The following RBM23 variants were observed in gnomAD, a reference collection of about 807,000 sequenced individuals.
The protein encoded by RBM23 is RNA binding motif protein 23.
RBM23 carries 53 observed loss-of-function variants against 56.2 expected under a neutral mutation model. That is an observed-to-expected ratio of 0.94 (90% confidence interval 0.76 to 1.19). The LOEUF (loss-of-function observed/expected upper bound fraction) is 1.19. Ranked by LOEUF, RBM23 falls within the 50% of genes most tolerant of loss-of-function variation. The pLI, the probability that RBM23 is intolerant of heterozygous loss-of-function variation, is 0.00. For missense variants in RBM23, 642 were observed against 590.3 expected (o/e 1.09, Z -0.91); for synonymous variants, 197 against 198.5 (o/e 0.99, Z 0.06).
In RBM23 at chr14:22,893,771, A is replaced by C. The variant is rs972104241; in HGVS notation, c.*7959T>G. On this transcript the variant is annotated 3_prime_UTR_variant, in exon 14 of 14. Transcript: ENST00000359890. ...CGTCAAAGGACACAAATGCCGGACA[A>C]GAGCATACTGCTTCTCAGGCCTTTA... The C allele has an allele frequency of 1.3e-5, 2 of 152,120 alleles. No homozygotes were observed. The highest frequency in any genetic ancestry group is 2.9e-5 in the Non-Finnish European group (2 of 68,012). 9.4% of individuals were successfully genotyped at this position (152,120 alleles called of 1,614,324 possible). A position where few individuals can be genotyped will look rare whatever the true frequency, so the allele number is the denominator to read the frequency against.
intron 2 of RBM23, among the ~76,000 whole-genome samples, chr14:22,910,686 T>C (rs1028519408): frequency 5.3e-5 from 8 of 151,542 alleles, no homozygotes; most frequent in African/African-American, 4.9e-5. Flanking sequence ...CCAGGCAACA[T>C]AGCAAGACCC....
chr14:22,905,022 G>C lies in RBM23; in HGVS notation c.727-10C>G, dbSNP rs373168766. 6.2e-7 allele frequency: 1 copy of C among 1,614,184 alleles called. No homozygotes were observed. The highest frequency in any genetic ancestry group is 8.5e-7 in the Non-Finnish European group (1 of 1,180,030). On this transcript the variant is annotated splice_polypyrimidine_tract_variant and intron_variant, in intron 8 of 13. Transcript: ENST00000359890. ...GTCGGTTTTTCTCTGCCTGGGGAAGGAGGAAATGATGGGTCATGTCCCACA... is the reference window on the plus strand; with the variant it reads ...GTCGGTTTTTCTCTGCCTGGGGAAGCAGGAAATGATGGGTCATGTCCCACA...
chr14:22,908,195 A>T (rs892903696), intron 4 of RBM23, 138 bp downstream of exon 4: 1 of 917,992 alleles, frequency 1.1e-6, no homozygotes, highest in Non-Finnish European at 1.6e-6. Flanking sequence ...TAATTTTTAA[A>T]TTTTTTGTAG....
rs1195187261 is a variant in RBM23 at position 22,895,697 on chromosome 14, C to T, written c.*6033G>A. The T allele has an allele frequency of 6.6e-6, 1 of 152,206 alleles. No individual in the cohort carries two copies. The highest frequency in any genetic ancestry group is 6.6e-5 in the Admixed American group (1 of 15,264). The allele number at this position is 152,206 out of a possible 1,614,324, so 9.4% of individuals were successfully genotyped here. On this transcript the variant is annotated 3_prime_UTR_variant, in exon 14 of 14. Transcript: ENST00000359890. ...CAGCTAATCAAGAGGATCATTTGAG[C>T]TCAGGAGGTTGAGACTGCAGTGAGC...
chr14:22,903,572 C>G, intron 10 of RBM23: 1 of 987,196 alleles, frequency 1.0e-6, no homozygotes, highest in Non-Finnish European at 1.2e-6. Context: ...ATTCCAATGA[C>G]AGAATACAAC....
rs2040270578 is a variant in RBM23, at chr14:22,897,717, T to C, written c.*4013A>G. ...GGAAAAGTGACACTTCCTCACTGAC[T>C]CCAAGGCCTTGTCTTCCATGGTGGT... On this transcript the variant is annotated 3_prime_UTR_variant, in exon 14 of 14. Transcript: ENST00000359890. The C allele has an allele frequency of 6.6e-6, 1 of 152,218 alleles. No homozygotes were observed. Among genetic ancestry groups the C allele is most frequent in the Admixed American group, 6.5e-5 (1 of 15,286 alleles). The allele number at this position is 152,218 out of a possible 1,614,324, so 9.4% of individuals were successfully genotyped here.
intron 2 of RBM23, among the ~76,000 whole-genome samples, 168 bp from the exon 3 acceptor site, chr14:22,909,763 G>C (rs2042148094): frequency 6.6e-6 from 1 of 152,108 alleles, no homozygotes; most frequent in Non-Finnish European, 1.5e-5. Flanking sequence ...AGGAATCAAG[G>C]AAACTACCTA....
Position 22,893,601 on chromosome 14 carries a change from G to A in RBM23, c.*8129C>T, listed in dbSNP as rs2040199821. On this transcript the variant is annotated 3_prime_UTR_variant, in exon 14 of 14. Coordinates refer to ENST00000359890, the MANE Select transcript of RBM23 (RefSeq NM_001077351.2). ...GGCCTTAAAGGATATGTAGGCTATA[G>A]ATAGTTGAGAGAAAGAAGGAAAAGC... is the stretch of plus-strand genomic sequence containing the variant. 1 of 152,202 alleles carries A rather than the reference G, an allele frequency of 6.6e-6. No homozygotes were observed. Among genetic ancestry groups the A allele is most frequent in the Non-Finnish European group, 1.5e-5 (1 of 68,040 alleles). 9.4% of individuals were successfully genotyped at this position (152,202 alleles called of 1,614,324 possible).
intron 1 of RBM23, among the ~76,000 whole-genome samples, chr14:22,916,555 T>C (rs1247090798): frequency 1.3e-5 from 2 of 151,860 alleles, no homozygotes; most frequent in African/African-American, 4.8e-5. Context: ...GGATTACATC[T>C]GGCCAGAGGA....
At chr14:22,909,094 C>T (rs932483906) in intron 3 of RBM23, among the ~76,000 whole-genome samples, 13 of 152,084 alleles carry the variant, frequency 8.5e-5, no homozygotes, top group Admixed American at 7.2e-4. Flanking sequence ...AGGAGCCTGC[C>T]ACCGCGCCCA....
chr14:22,905,806 T>A, intron 5 of RBM23, 147 bp from the exon 6 acceptor site: 1 of 669,992 alleles, frequency 1.5e-6, no homozygotes, highest in Non-Finnish European at 2.5e-6. Context: ...TGGAGTGCAG[T>A]GGCGCCATCT....
chr14:22,907,574 TATCA>T (rs1217291233), intron 4 of RBM23, among the ~76,000 whole-genome samples: 2 of 152,368 alleles, frequency 1.3e-5, no homozygotes, highest in African/African-American at 2.4e-5. Context: ...ATACAATATG[TATCA>T]ATTAAAAATT....
chr14:22,899,438 T>C lies in RBM23; in HGVS notation c.*2292A>G, dbSNP rs1193910831. ...CTCTGTTGCCCAGGCTGGAGTGCAG[T>C]GGTGCATCCTCGGCTCACTGCAACC... On this transcript the variant is annotated 3_prime_UTR_variant, in exon 14 of 14. Transcript: ENST00000359890. The C allele has an allele frequency of 6.6e-6, 1 of 152,376 alleles. No individual in the cohort carries two copies. The highest frequency in any genetic ancestry group is 1.5e-5 in the Non-Finnish European group (1 of 68,172). 9.4% of individuals were successfully genotyped at this position (152,376 alleles called of 1,614,324 possible).
At position 22,899,582 on chromosome 14, in the gene RBM23, T is replaced by G. The variant is rs551454573; in HGVS notation, c.*2148A>C. On this transcript the variant is annotated 3_prime_UTR_variant, in exon 14 of 14. Coordinates refer to ENST00000359890, the MANE Select transcript of RBM23 (RefSeq NM_001077351.2). ...TTCTAGTAGAGACAGAGTTTCACCATGTTGGCCAGGCTGGTCTTGAACTGA... is the reference window on the plus strand; with the variant it reads ...TTCTAGTAGAGACAGAGTTTCACCAGGTTGGCCAGGCTGGTCTTGAACTGA... 7.2e-5 allele frequency: 11 copies of G among 152,394 alleles called. No homozygotes were observed. Among genetic ancestry groups the G allele is most frequent in the African/African-American group, 2.6e-4 (11 of 41,564 alleles). 9.4% of individuals were successfully genotyped at this position (152,394 alleles called of 1,614,324 possible). A position where few individuals can be genotyped will look rare whatever the true frequency, so the allele number is the denominator to read the frequency against.
At position 22,901,320 on chromosome 14, in the gene RBM23, G is replaced by A. The variant is rs1473087135; in HGVS notation, c.*410C>T. 4.6e-6 allele frequency: 1 copy of A among 218,618 alleles called. No homozygotes were observed. 13.5% of individuals were successfully genotyped at this position (218,618 alleles called of 1,614,324 possible). A position where few individuals can be genotyped will look rare whatever the true frequency, so the allele number is the denominator to read the frequency against. The stretch of plus-strand genomic sequence containing the variant: ...AGTCCTCTTGATTCAGAGGTCCTAA[G>A]GGTTTTCCTTGACAGACTAAAGGTT... On this transcript the variant is annotated 3_prime_UTR_variant, in exon 14 of 14. Coordinates refer to ENST00000359890, the MANE Select transcript of RBM23 (RefSeq NM_001077351.2).
At chr14:22,903,928 C>A in intron 10 of RBM23, 1 of 1,247,252 alleles carries the variant, frequency 8.0e-7, no homozygotes, top group South Asian at 1.6e-5. Flanking sequence ...TAAAGCATGT[C>A]TTTAAAAGCC....
rs759555874 is a variant in RBM23, at chr14:22,902,251, C to T, written c.1062G>A (p.Gly354=). The stretch of plus-strand genomic sequence containing the variant: ...CTGATCCCAGATCCAGCTCCTGGTC[C>T]CCATCAGGAAAAGTGATGTCTGTGC... ...DGGTDITFPD[G]DQELDLGSAG... The change falls in exon 11 of 14, where the codon GGG becomes GGA. Residue 354 remains glycine, a synonymous_variant. Transcript: ENST00000359890. 1.9e-6 allele frequency: 3 copies of T among 1,614,066 alleles called. No homozygotes were observed. The highest frequency in any genetic ancestry group is 3.3e-5 in the Admixed American group (2 of 60,000).
chr14:22,896,598 T>C lies in RBM23; in HGVS notation c.*5132A>G, dbSNP rs2040252436. 1 of 152,176 alleles carries C rather than the reference T, an allele frequency of 6.6e-6. No homozygotes were observed. The highest frequency in any genetic ancestry group is 6.5e-5 in the Admixed American group (1 of 15,274). The allele number at this position is 152,176 out of a possible 1,614,324, so 9.4% of individuals were successfully genotyped here. A position where few individuals can be genotyped will look rare whatever the true frequency, so the allele number is the denominator to read the frequency against. ...TTCAGGCACCTCATCCATCTACCCATTGCTCTCAAAAATAACTGCTTAATG... is the reference window on the plus strand; with the variant it reads ...TTCAGGCACCTCATCCATCTACCCACTGCTCTCAAAAATAACTGCTTAATG... On this transcript the variant is annotated 3_prime_UTR_variant, in exon 14 of 14. Coordinates refer to ENST00000359890, the MANE Select transcript of RBM23 (RefSeq NM_001077351.2).
In RBM23 at chr14:22,893,814, T is replaced by G. The variant is rs1476153416; in HGVS notation, c.*7916A>C. On this transcript the variant is annotated 3_prime_UTR_variant, in exon 14 of 14. Coordinates refer to ENST00000359890, the MANE Select transcript of RBM23 (RefSeq NM_001077351.2). ...GGCCTTTATCATCTCGGTGACTCCC[T>G]GATGGATATGCTTAAGGTCCCTTTT... 6.6e-6 allele frequency: 1 copy of G among 152,156 alleles called. No homozygotes were observed. Among genetic ancestry groups the G allele is most frequent in the Non-Finnish European group, 1.5e-5 (1 of 68,040 alleles). The allele number at this position is 152,156 out of a possible 1,614,324, so 9.4% of individuals were successfully genotyped here.
Sources: allele counts gnomAD v4.1 joint callset (sites outside exome capture counted in the v4.1 genomes callset), GRCh38; gene constraint gnomAD v4.1.1; transcripts MANE v1.5; gene names NCBI Gene and HGNC (gene_info 2026-07-23, HGNC 2026-07-21).